The following PTPRD variants were observed in gnomAD, a reference collection of about 807,000 sequenced individuals.
The protein encoded by PTPRD is protein tyrosine phosphatase receptor type D, also known as receptor-type tyrosine-protein phosphatase delta.
PTPRD carries 34 observed loss-of-function variants against 214.5 expected under a neutral mutation model. That is an observed-to-expected ratio of 0.16 (90% CI 0.12 to 0.21). PTPRD has a LOEUF of 0.21. PTPRD is among the 10% of genes least tolerant of loss of function. The probability of loss-of-function intolerance (pLI) is 1.00; values close to 1 mark genes in which losing one functional copy is unlikely to be tolerated. For synonymous variants in PTPRD, 1,128 were observed against 845.7 expected, an observed-to-expected ratio of 1.33 and a Z score of -5.79; for missense variants, 2,545 against 2,398.7, an observed-to-expected ratio of 1.06 and a Z score of -1.27.
At chr9:9,853,445 A>G (rs564798609) in intron 5 of PTPRD, among the ~76,000 whole-genome samples, 1 of 152,328 alleles carries the variant, frequency 6.6e-6, no homozygotes, top group African/African-American at 2.4e-5. Flanking sequence ...CACAGACAAT[A>G]TATAGTTTGC....
chr9:10,094,158 C>T (rs1261504525), intron 3 of PTPRD, among the ~76,000 whole-genome samples: 1 of 151,372 alleles, frequency 6.6e-6, no homozygotes, highest in Non-Finnish European at 1.5e-5. Context: ...TAGCTGACCG[C>T]TGTCTTGGTT....
intron 43 of PTPRD, among the ~76,000 whole-genome samples, chr9:8,337,694 ATCT>A (rs1564063427): frequency 6.6e-6 from 1 of 151,822 alleles, no homozygotes; most frequent in East Asian, 1.9e-4. Flanking sequence ...TCCGGTTTCA[ATCT>A]TCTTTTGTTT....
At chr9:9,665,967 T>A (rs2154383100) in intron 7 of PTPRD, among the ~76,000 whole-genome samples, 1 of 152,026 alleles carries the variant, frequency 6.6e-6, no homozygotes, top group Non-Finnish European at 1.5e-5. Context: ...GAATAAATTA[T>A]AAAGATATGA....
rs144948795 is a variant in PTPRD, at chr9:9,306,038, A to T, written c.-203+91411T>A. On this transcript the variant is annotated intron_variant, in intron 9 of 45. Transcript: ENST00000381196. ...CAGCAATCATAAGACACTAAATACCAGTCATAACACCAGTACAGAGTACAA... is the reference window on the plus strand; with the variant it reads ...CAGCAATCATAAGACACTAAATACCTGTCATAACACCAGTACAGAGTACAA... Among the ~76,000 whole-genome samples, 904 of 152,332 alleles carry T rather than the reference A, an allele frequency of 5.9e-3. 8 individuals carry two copies. The highest frequency in any genetic ancestry group is 0.021 in the African/African-American group (863 of 41,578).
chr9:10,477,933 G>C (rs148830307), intron 2 of PTPRD, among the ~76,000 whole-genome samples: 3,134 of 151,908 alleles, frequency 0.021, 109 homozygotes, highest in African/African-American at 0.07. Flanking sequence ...TGAACAATGA[G>C]AACACATGAA....
intron 5 of PTPRD, among the ~76,000 whole-genome samples, chr9:9,903,367 T>C (rs995078054): frequency 6.6e-6 from 1 of 152,158 alleles, no homozygotes; most frequent in African/African-American, 2.4e-5. Context: ...ATTGTCTTTA[T>C]AAAGATCTCT....
chr9:10,288,575 A>C (rs1311417473), intron 3 of PTPRD, among the ~76,000 whole-genome samples: 1 of 152,206 alleles, frequency 6.6e-6, no homozygotes, highest in African/African-American at 2.4e-5. Flanking sequence ...GATGCACGCA[A>C]ATGCAGGATC....
At chr9:10,410,022 T>C (rs1054745409) in intron 2 of PTPRD, among the ~76,000 whole-genome samples, 2 of 151,600 alleles carry the variant, frequency 1.3e-5, no homozygotes, top group African/African-American at 4.8e-5. Context: ...TTAATAAATA[T>C]TTATTGTTGC....
chr9:9,605,582 G>C (rs534328097), intron 7 of PTPRD, among the ~76,000 whole-genome samples: 2 of 152,146 alleles, frequency 1.3e-5, no homozygotes, highest in East Asian at 3.9e-4. Flanking sequence ...TAGGCAATGA[G>C]GAGCCACTGT....
intron 11 of PTPRD, among the ~76,000 whole-genome samples, chr9:8,838,642 A>G (rs1413175634): frequency 1.3e-5 from 2 of 152,046 alleles, no homozygotes; most frequent in East Asian, 3.9e-4. Context: ...CTATGTGTAT[A>G]TAACTCTTGG....
At chr9:9,656,261 A>T (rs1476565477) in intron 7 of PTPRD, among the ~76,000 whole-genome samples, 1 of 152,192 alleles carries the variant, frequency 6.6e-6, no homozygotes, top group East Asian at 1.9e-4. Context: ...CACATTCTTT[A>T]GTATTTACCA....
At chr9:9,645,183 C>T (rs1042568227) in intron 7 of PTPRD, among the ~76,000 whole-genome samples, 4 of 152,204 alleles carry the variant, frequency 2.6e-5, no homozygotes, top group African/African-American at 9.6e-5. Context: ...GGGCTTGAGC[C>T]ACATCCCCAT....
At chr9:9,566,430 TTCTC>T (rs1439009538) in intron 8 of PTPRD, among the ~76,000 whole-genome samples, 1 of 151,996 alleles carries the variant, frequency 6.6e-6, no homozygotes, top group East Asian at 1.9e-4. Flanking sequence ...CTCAGATTAT[TTCTC>T]TCTGTACGTG....
chr9:9,919,710 G>C (rs1045908559), intron 5 of PTPRD, among the ~76,000 whole-genome samples: 6 of 152,114 alleles, frequency 3.9e-5, no homozygotes, highest in Non-Finnish European at 7.4e-5. Flanking sequence ...ATACTAAAGA[G>C]AAAGAACAAC....
intron 2 of PTPRD, among the ~76,000 whole-genome samples, chr9:10,412,488 C>A (rs1587632505): frequency 1.3e-5 from 2 of 151,600 alleles, no homozygotes. Flanking sequence ...TCTACCAGAC[C>A]TATGTAAAGA....
At chr9:9,251,515 G>C (rs1324210724) in intron 9 of PTPRD, among the ~76,000 whole-genome samples, 1 of 151,858 alleles carries the variant, frequency 6.6e-6, no homozygotes, top group Non-Finnish European at 1.5e-5. Flanking sequence ...TTAAAAGCCG[G>C]CTCAAGGGTG....
chr9:10,533,293 T>G (rs74327592), intron 2 of PTPRD, among the ~76,000 whole-genome samples: 113 of 152,266 alleles, frequency 7.4e-4, no homozygotes, highest in African/African-American at 2.7e-3. Flanking sequence ...GTCTCAGGAA[T>G]TCTGTGATAG....
intron 9 of PTPRD, among the ~76,000 whole-genome samples, chr9:9,208,866 G>T (rs1488670251): frequency 6.6e-6 from 1 of 151,592 alleles, no homozygotes; most frequent in African/African-American, 2.4e-5. Flanking sequence ...GGAGTACAGT[G>T]GCGCGATCCC....
rs1187365479 is a variant in PTPRD at position 9,607,005 on chromosome 9, A to AAAAAAAAAAAAAAAT, written c.-286-32225_-286-32224insATTTTTTTTTTTTTT. Among the ~76,000 whole-genome samples, 2 of 119,604 alleles carry AAAAAAAAAAAAAAAT rather than the reference A, an allele frequency of 1.7e-5. 1 individual carries two copies. The highest frequency in any genetic ancestry group is 6.6e-5 in the African/African-American group (2 of 30,434). The allele number at this position is 119,604 out of a possible 152,430, so 78.5% of individuals were successfully genotyped here. Reference sequence around the variant, plus strand: ...AAAAAAAAAAAAAAAAAAAAAAAAAAGTGTTTCTGCCATGTCACCGACCAG... The same window carrying AAAAAAAAAAAAAAAT: ...AAAAAAAAAAAAAAAAAAAAAAAAAAAAAAAAAAAAAAAATGTGTTTCTGCCATGTCACCGACCAG... On this transcript the variant is annotated intron_variant, in intron 7 of 45. Coordinates refer to ENST00000381196, the MANE Select transcript of PTPRD (RefSeq NM_002839.4).
Sources: allele counts gnomAD v4.1 joint callset (sites outside exome capture counted in the v4.1 genomes callset), GRCh38; gene constraint gnomAD v4.1.1; transcripts MANE v1.5; gene names NCBI Gene and HGNC (gene_info 2026-07-23, HGNC 2026-07-21).